TTC28: variants seen among roughly 807,000 people sequenced by gnomAD.
The protein encoded by TTC28 is tetratricopeptide repeat domain 28.
TTC28 carries 61 observed loss-of-function variants against 198.0 expected under a neutral mutation model. That is an observed-to-expected ratio of 0.31 (90% CI 0.25 to 0.38). The LOEUF (loss-of-function observed/expected upper bound fraction) is 0.38, where lower values mean the gene tolerates loss of function less well. Ranked by LOEUF, TTC28 falls within the 10% of genes least tolerant of loss-of-function variation. The pLI is 1.00. For synonymous variants in TTC28, 1,171 were observed against 1,297.8 expected, an observed-to-expected ratio of 0.90 and a Z score of 2.10; for missense variants, 2,678 against 3,164.0, an observed-to-expected ratio of 0.85 and a Z score of 3.69.
intron 2 of TTC28, among the ~76,000 whole-genome samples, chr22:28,545,146 T>C (rs2049510391): frequency 2.0e-5 from 3 of 152,176 alleles, no homozygotes; most frequent in African/African-American, 7.2e-5. Flanking sequence ...TTATTAGTAA[T>C]AGTGAATTTT....
intron 3 of TTC28, among the ~76,000 whole-genome samples, chr22:28,304,761 C>T (rs946201663): frequency 6.6e-6 from 1 of 152,110 alleles, no homozygotes; most frequent in Non-Finnish European, 1.5e-5. Context: ...GCAGCAGAAG[C>T]ACCTCAGAAT....
intron 1 of TTC28, among the ~76,000 whole-genome samples, chr22:28,636,826 T>A (rs1300812972): frequency 1.3e-5 from 2 of 152,170 alleles, no homozygotes; most frequent in Non-Finnish European, 2.9e-5. Flanking sequence ...CATAGGTTAC[T>A]TTTTCATCTT....
At chr22:28,632,145 G>A (rs899644928) in intron 1 of TTC28, among the ~76,000 whole-genome samples, 1 of 150,844 alleles carries the variant, frequency 6.6e-6, no homozygotes, top group African/African-American at 2.4e-5. Context: ...ACATATGAGC[G>A]ACTGTTCTTC....
intron 2 of TTC28, among the ~76,000 whole-genome samples, chr22:28,609,945 C>A (rs1339745900): frequency 9.9e-5 from 15 of 152,152 alleles, no homozygotes; most frequent in African/African-American, 2.9e-4. Flanking sequence ...GGCAGTTTTA[C>A]CCTCACAGTG....
intron 12 of TTC28, among the ~76,000 whole-genome samples, chr22:28,065,835 G>T (rs1016216654): frequency 6.6e-6 from 1 of 152,182 alleles, no homozygotes; most frequent in Non-Finnish European, 1.5e-5. Context: ...AGGGATTTTG[G>T]CTTGGACTGT....
At chr22:28,128,881 T>C (rs1258291252) in intron 6 of TTC28, among the ~76,000 whole-genome samples, 2 of 152,118 alleles carry the variant, frequency 1.3e-5, no homozygotes, top group Non-Finnish European at 2.9e-5. Flanking sequence ...TGAGACTCAC[T>C]TGCAGACCTA....
At chr22:28,535,065 T>C (rs985980692) in intron 2 of TTC28, among the ~76,000 whole-genome samples, 1 of 151,640 alleles carries the variant, frequency 6.6e-6, no homozygotes, top group African/African-American at 2.4e-5. Flanking sequence ...AGTATAATAA[T>C]AATAAAAAAA....
intron 6 of TTC28, among the ~76,000 whole-genome samples, chr22:28,121,044 C>T (rs1942772612): frequency 6.6e-6 from 1 of 152,230 alleles, no homozygotes; most frequent in Admixed American, 6.5e-5. Context: ...AATCCATTTA[C>T]TGCTTTCAGT....
At position 28,526,007 on chromosome 22, in the gene TTC28, T is replaced by C. The variant is rs539803101; in HGVS notation, c.381+103545A>G. On this transcript the variant is annotated intron_variant, in intron 2 of 22. Transcript: ENST00000397906. ...ACTTAAAGAACTAGAATTCTAGAAT[T>C]CTAATGAACAAGTCAAAACAATTAT... Among the ~76,000 whole-genome samples the C allele has an allele frequency of 1.4e-3, 207 of 152,332 alleles. 1 individual carries two copies. Among genetic ancestry groups the C allele is most frequent in the African/African-American group, 4.9e-3 (204 of 41,570 alleles).
intron 2 of TTC28, among the ~76,000 whole-genome samples, chr22:28,576,415 T>A (rs1056588134): frequency 2.6e-5 from 4 of 152,134 alleles, no homozygotes; most frequent in Non-Finnish European, 5.9e-5. Context: ...GCATCAGTGT[T>A]CATCAGGGGT....
intron 2 of TTC28, among the ~76,000 whole-genome samples, chr22:28,564,935 C>CA (rs2049947823): frequency 6.8e-6 from 1 of 146,796 alleles, no homozygotes; most frequent in Admixed American, 6.8e-5. Flanking sequence ...AATTCCAATG[C>CA]AAAAAAATGA....
chr22:28,079,609 A>G (rs1179863855), intron 12 of TTC28, among the ~76,000 whole-genome samples: 1 of 152,166 alleles, frequency 6.6e-6, no homozygotes, highest in Non-Finnish European at 1.5e-5. Flanking sequence ...ATCACACACA[A>G]AAAGACAAAT....
intron 12 of TTC28, among the ~76,000 whole-genome samples, chr22:28,080,053 G>A (rs1035976747): frequency 6.6e-6 from 1 of 152,138 alleles, no homozygotes; most frequent in Admixed American, 6.5e-5. Context: ...TTAAGGCTGA[G>A]TAATATTCCA....
At chr22:28,661,636 T>C (rs1420671059) in intron 1 of TTC28, among the ~76,000 whole-genome samples, 2 of 150,934 alleles carry the variant, frequency 1.3e-5, no homozygotes, top group African/African-American at 4.9e-5. Flanking sequence ...TGAGACAGAG[T>C]CTCACTCTGT....
In TTC28 at chr22:27,996,441, T is replaced by G. The variant is rs1937554039; in HGVS notation, c.5120-182A>C. On this transcript the variant is annotated intron_variant, in intron 16 of 22. Transcript: ENST00000397906. The stretch of plus-strand genomic sequence containing the variant: ...ACTGGATGGTGATGTGGCACCCTTT[T>G]GTCCCCTTCCTTTTAAGAATCAATA... 4 of 795,550 alleles carry G rather than the reference T, an allele frequency of 5.0e-6. No homozygotes were observed. The South Asian group carries it at 7.9e-5, about 16-fold the overall frequency. The allele number at this position is 795,550 out of a possible 1,614,324, so 49.3% of individuals were successfully genotyped here.
chr22:28,362,441 T>C (rs987696541), intron 2 of TTC28, among the ~76,000 whole-genome samples: 2 of 152,192 alleles, frequency 1.3e-5, no homozygotes, highest in Non-Finnish European at 2.9e-5. Context: ...GTCTTGGGTA[T>C]GTCTTTATCA....
chr22:28,209,508 G>GGGTCC (rs1926718157), intron 5 of TTC28, among the ~76,000 whole-genome samples: 1 of 152,204 alleles, frequency 6.6e-6, no homozygotes, highest in African/African-American at 2.4e-5. Flanking sequence ...CTGGATCAGA[G>GGGTCC]GGTCCCACGC....
At chr22:28,257,791 C>A (rs1931053730) in intron 5 of TTC28, among the ~76,000 whole-genome samples, 1 of 99,758 alleles carries the variant, frequency 1.0e-5, no homozygotes. Flanking sequence ...TCTTCTACTT[C>A]AATAAAAAAT....
In TTC28 at chr22:28,328,586, T is replaced by C. The variant is rs893575187; in HGVS notation, c.382-21943A>G. On this transcript the variant is annotated intron_variant, in intron 2 of 22. Coordinates refer to ENST00000397906, the MANE Select transcript of TTC28 (RefSeq NM_001145418.2). ...CTGGCCAACCCGGTGAAACCACGTC[T>C]CTACTAAAAATACAAAAATTAGCCA... Among the ~76,000 whole-genome samples, 25 of 151,430 alleles carry C rather than the reference T, an allele frequency of 1.7e-4. No homozygotes were observed. The East Asian group carries it at 4.9e-3, about 29-fold the overall frequency.
Sources: gnomAD v4.1 joint callset for allele counts (sites outside exome capture counted in the v4.1 genomes callset) on GRCh38, gnomAD v4.1.1 for gene constraint, MANE v1.5 for transcripts, NCBI Gene and HGNC (gene_info 2026-07-23, HGNC 2026-07-21) for gene names.